SLC25A38: variants seen among roughly 807,000 people sequenced by gnomAD.
SLC25A38 encodes the protein mitochondrial glycine transporter.
SLC25A38 carries 27 observed loss-of-function variants against 33.4 expected under a neutral mutation model. That is an observed-to-expected ratio of 0.81 (90% CI 0.60 to 1.11). The LOEUF is 1.11. Ranked by LOEUF, SLC25A38 falls within the 50% of genes most tolerant of loss-of-function variation. The pLI is 0.00. For missense variants in SLC25A38, 344 were observed against 388.8 expected (o/e 0.88, Z 0.97); for synonymous variants, 123 against 145.9 (o/e 0.84, Z 1.13).
intron 5 of SLC25A38, among the ~76,000 whole-genome samples, chr3:39,394,008 C>A (rs933907370): frequency 6.6e-5 from 10 of 152,056 alleles, no homozygotes; most frequent in Non-Finnish European, 7.4e-5. Flanking sequence ...TCAATTTGAC[C>A]CATTATGAGT....
chr3:39,392,676 C>T (rs905545657), intron 5 of SLC25A38, among the ~76,000 whole-genome samples: 1 of 152,108 alleles, frequency 6.6e-6, no homozygotes, highest in South Asian at 2.1e-4. Flanking sequence ...AGAAACACAT[C>T]CATAGAATGA....
chr3:39,390,991 G>A (rs1278665676), intron 3 of SLC25A38, among the ~76,000 whole-genome samples: 1 of 152,198 alleles, frequency 6.6e-6, no homozygotes, highest in African/African-American at 2.4e-5. Flanking sequence ...ATAACTCACT[G>A]TAGGTTTATT....
intron 4 of SLC25A38, 40 bp downstream of exon 4, chr3:39,391,660 T>C: frequency 6.2e-7 from 1 of 1,613,968 alleles, no homozygotes; most frequent in Non-Finnish European, 8.5e-7. Flanking sequence ...TAGTTCGGCT[T>C]AGCCACTGGG....
At chr3:39,384,203 G>A (rs2041681385) in intron 1 of SLC25A38, among the ~76,000 whole-genome samples, 1 of 152,204 alleles carries the variant, frequency 6.6e-6, no homozygotes, top group African/African-American at 2.4e-5. Context: ...GCAGCGAGCT[G>A]GCCGGGTAGC....
At chr3:39,393,032 C>T (rs1380515473) in intron 5 of SLC25A38, among the ~76,000 whole-genome samples, 1 of 152,238 alleles carries the variant, frequency 6.6e-6, no homozygotes, top group African/African-American at 2.4e-5. Flanking sequence ...TGCCTGTAAT[C>T]TCAGCACTTT....
At position 39,397,068 on chromosome 3, in the gene SLC25A38, G is replaced by C. The variant is rs531997173; in HGVS notation, c.*548G>C. The C allele has an allele frequency of 2.2e-5, 4 of 178,420 alleles. No individual in the cohort carries two copies. The highest frequency in any genetic ancestry group is 4.8e-5 in the Non-Finnish European group (4 of 82,488). 11.1% of individuals were successfully genotyped at this position (178,420 alleles called of 1,614,324 possible). ...TAACTTCTCAGAGGCTCTGGAGAACGGGACAGTGGCTTTCTAGCCTCTGAA... is the reference window on the plus strand; with the variant it reads ...TAACTTCTCAGAGGCTCTGGAGAACCGGACAGTGGCTTTCTAGCCTCTGAA... On this transcript the variant is annotated 3_prime_UTR_variant, in exon 7 of 7. Coordinates refer to ENST00000650617, the MANE Select transcript of SLC25A38 (RefSeq NM_017875.4).
Position 39,389,333 on chromosome 3 carries a change from T to C in SLC25A38, c.70-162T>C. On this transcript the variant is annotated intron_variant, in intron 1 of 6. Transcript: ENST00000650617. This position sits in a 1 kb window ranked among gnomAD's most constrained non-coding sequence, Gnocchi z 4.5. ...CTCAATAACATTGCAGTATTTTTAA[T>C]TTCTGGCTATACTTTTTCCTTCTCC... 1 of 1,085,662 alleles carries C rather than the reference T, an allele frequency of 9.2e-7. No individual in the cohort carries two copies. Among genetic ancestry groups the C allele is most frequent in the Non-Finnish European group, 1.4e-6 (1 of 725,070 alleles). 67.3% of individuals were successfully genotyped at this position (1,085,662 alleles called of 1,614,324 possible).
At chr3:39,394,055 A>AG (rs2125582498) in intron 5 of SLC25A38, among the ~76,000 whole-genome samples, 1 of 152,352 alleles carries the variant, frequency 6.6e-6, no homozygotes, top group Admixed American at 6.5e-5. Flanking sequence ...AGATACTGAC[A>AG]GGTATCTTCC....
chr3:39,395,853 T>G (rs1264288753), intron 6 of SLC25A38, among the ~76,000 whole-genome samples: 2 of 151,156 alleles, frequency 1.3e-5, no homozygotes, highest in African/African-American at 4.9e-5. Context: ...ATAAAGACTT[T>G]CAGCTAAGAA....
rs141681055 is a variant in SLC25A38 at position 39,391,530 on chromosome 3, C to T, written c.366C>T (p.Thr122=). The part of the protein sequence containing the change: ...KQYFLRGHPP[T]ALESVMLGVG... ...ATTTCTTGCGAGGCCATCCCCCAAC[C>T]GCCCTGGAGTCAGTCATGCTGGGGG... Residue 122 remains threonine (T), a synonymous_variant, in exon 4 of 7, where the codon ACC becomes ACT. Transcript: ENST00000650617. The T allele has an allele frequency of 5.9e-5, 95 of 1,614,098 alleles. No homozygotes were observed. The highest frequency in any genetic ancestry group is 6.9e-5 in the Non-Finnish European group (82 of 1,180,058).
intron 6 of SLC25A38, 109 bp downstream of exon 6, chr3:39,394,685 A>G (rs2041809001): frequency 7.5e-7 from 1 of 1,328,218 alleles, no homozygotes; most frequent in Non-Finnish European, 1.1e-6. Flanking sequence ...GCTTTTAAAA[A>G]TCCCCATGCC....
chr3:39,388,095 G>A (rs1314007070), intron 1 of SLC25A38, among the ~76,000 whole-genome samples: 1 of 152,178 alleles, frequency 6.6e-6, no homozygotes, highest in Non-Finnish European at 1.5e-5. Flanking sequence ...GAGAGACCCA[G>A]TGTGTGAAGA....
At chr3:39,384,497 A>C in intron 1 of SLC25A38, 2 of 382,650 alleles carry the variant, frequency 5.2e-6, no homozygotes, top group Non-Finnish European at 4.6e-6. Context: ...CGCCCGAGGT[A>C]GGGGCGGCTT....
intron 6 of SLC25A38, among the ~76,000 whole-genome samples, 160 bp downstream of exon 6, chr3:39,394,736 A>T (rs35616367): frequency 6.6e-6 from 1 of 151,900 alleles, no homozygotes; most frequent in Non-Finnish European, 1.5e-5. Context: ...ATGTCTAGTG[A>T]GATTTTTTTT....
chr3:39,395,948 C>A (rs140869086), intron 6 of SLC25A38, among the ~76,000 whole-genome samples: 1 of 151,474 alleles, frequency 6.6e-6, no homozygotes, highest in Non-Finnish European at 1.5e-5. Flanking sequence ...CGGTAGCTCA[C>A]GCCTGTAATC....
Position 39,396,478 on chromosome 3 carries a change from G to C in SLC25A38, c.873G>C (p.Thr291=), listed in dbSNP as rs367882750. Residue 291 remains threonine (T), a synonymous_variant, in exon 7 of 7, where the codon ACG becomes ACC. Coordinates refer to ENST00000650617, the MANE Select transcript of SLC25A38 (RefSeq NM_017875.4). ...RRTLMAAMAW[T]VYEEMMAKMG... ...CTCTAATGGCAGCAATGGCGTGGAC[G>C]GTGTATGAAGAGATGATGGCCAAGA... The C allele has an allele frequency of 6.2e-6, 10 of 1,614,074 alleles. No homozygotes were observed. Among genetic ancestry groups the C allele is most frequent in the Non-Finnish European group, 7.6e-6 (9 of 1,180,026 alleles).
At chr3:39,385,039 T>G (rs1189762477) in intron 1 of SLC25A38, among the ~76,000 whole-genome samples, 1 of 152,142 alleles carries the variant, frequency 6.6e-6, no homozygotes, top group Non-Finnish European at 1.5e-5. Flanking sequence ...TGACCTCAAG[T>G]GATCCGTCTG....
chr3:39,396,457 A>T lies in SLC25A38; in HGVS notation c.852A>T (p.Leu284=), dbSNP rs2041831718. The T allele has an allele frequency of 6.2e-7, 1 of 1,613,978 alleles. No homozygotes were observed. Among genetic ancestry groups the T allele is most frequent in the Non-Finnish European group, 8.5e-7 (1 of 1,180,034 alleles). The change falls in exon 7 of 7, where the codon CTA becomes CTT. Residue 284 remains leucine, a synonymous_variant. Transcript: ENST00000650617. ...TCCCCCGAGCCCTCCGCAGAACTCT[A>T]ATGGCAGCAATGGCGTGGACGGTGT... ...GGIPRALRRT[L]MAAMAWTVYE...
Position 39,386,291 on chromosome 3 carries a change from A to C in SLC25A38, c.69+2498A>C, listed in dbSNP as rs572094994. 2.6e-5 allele frequency among the ~76,000 whole-genome samples: 4 copies of C among 152,304 alleles called. No homozygotes were observed. In the South Asian group the frequency reaches 8.3e-4, roughly 32 times the overall value. ...ATGATCAAATTTGCAGTTTTAAAAG[A>C]TGACTCAGGCGGGGCATGGTGGCCC... On this transcript the variant is annotated intron_variant, in intron 1 of 6. Transcript: ENST00000650617.
Sources: gnomAD v4.1 joint callset for allele counts (sites outside exome capture counted in the v4.1 genomes callset) on GRCh38, gnomAD v4.1.1 for gene constraint, Gnocchi (gnomAD v3.1) non-coding constraint, MANE v1.5 for transcripts, NCBI Gene and HGNC (gene_info 2026-07-23, HGNC 2026-07-21) for gene names.